Variants in EPB41L2 observed in about 807,000 individuals in gnomAD.
The protein encoded by EPB41L2 is band 4.1-like protein 2.
In EPB41L2, 43 loss-of-function variants were observed where a neutral mutation model predicts 113.0. The observed-to-expected ratio is 0.38, with a 90% CI of 0.30 to 0.49. The LOEUF (loss-of-function observed/expected upper bound fraction) is 0.49. EPB41L2 is among the 20% of genes least tolerant of loss of function. The probability of loss-of-function intolerance (pLI) is 0.95; values close to 1 mark genes in which losing one functional copy is unlikely to be tolerated. For synonymous variants in EPB41L2, 442 were observed against 436.7 expected, an observed-to-expected ratio of 1.01 and a Z score of -0.15; for missense variants, 1,147 against 1,223.4, an observed-to-expected ratio of 0.94 and a Z score of 0.93.
intron 10 of EPB41L2, among the ~76,000 whole-genome samples, chr6:130,892,167 A>ACCTCGGAAACTCCTGC: frequency 6.6e-6 from 1 of 152,246 alleles, no homozygotes; most frequent in Non-Finnish European, 1.5e-5. Context: ...TGCTACAAGA[A>ACCTCGGAAACTCCTGC]TACAAGAAGA....
At chr6:130,912,495 T>C (rs1048592379) in intron 4 of EPB41L2, among the ~76,000 whole-genome samples, 1 of 152,192 alleles carries the variant, frequency 6.6e-6, no homozygotes, top group Non-Finnish European at 1.5e-5. Context: ...GGCTCTGTTC[T>C]AACACTGGTT....
chr6:130,936,503 G>A (rs537407415), intron 3 of EPB41L2, among the ~76,000 whole-genome samples: 4 of 152,202 alleles, frequency 2.6e-5, no homozygotes, highest in Non-Finnish European at 4.4e-5. Flanking sequence ...TAATTTTTCA[G>A]TCTAACCAAG....
intron 1 of EPB41L2, among the ~76,000 whole-genome samples, chr6:131,044,742 T>G (rs1348376765): frequency 6.6e-6 from 1 of 152,162 alleles, no homozygotes; most frequent in African/African-American, 2.4e-5. Context: ...AAAGTTCCTC[T>G]GCTACCAGGC....
chr6:130,990,539 T>C (rs1234381744), intron 1 of EPB41L2, among the ~76,000 whole-genome samples: 1 of 152,118 alleles, frequency 6.6e-6, no homozygotes, highest in Non-Finnish European at 1.5e-5. Context: ...AAAGAATCAA[T>C]TCCAGTCTAT....
intron 3 of EPB41L2, among the ~76,000 whole-genome samples, chr6:130,943,884 G>C (rs947190244): frequency 7.2e-5 from 11 of 152,222 alleles, no homozygotes; most frequent in African/African-American, 2.6e-4. Context: ...AGCTCCAACA[G>C]AAGTGAAAGA....
At chr6:131,045,978 ACT>A in intron 1 of EPB41L2, among the ~76,000 whole-genome samples, 1 of 142,750 alleles carries the variant, frequency 7.0e-6, no homozygotes, top group East Asian at 2.1e-4. Context: ...ATAGTGTGTG[ACT>A]CTGTCACCAA....
At chr6:130,920,539 A>G (rs1802541256) in intron 4 of EPB41L2, among the ~76,000 whole-genome samples, 2 of 152,100 alleles carry the variant, frequency 1.3e-5, no homozygotes, top group Non-Finnish European at 2.9e-5. Context: ...TCTGTCACCT[A>G]GGCGAAAGTG....
At chr6:130,846,807 G>C (rs1009559107) in intron 19 of EPB41L2, among the ~76,000 whole-genome samples, 1 of 152,142 alleles carries the variant, frequency 6.6e-6, no homozygotes, top group Non-Finnish European at 1.5e-5. Flanking sequence ...TAGTAATAAA[G>C]ATACTGAGCT....
At chr6:130,910,507 A>G (rs1173358161) in intron 4 of EPB41L2, among the ~76,000 whole-genome samples, 4 of 152,254 alleles carry the variant, frequency 2.6e-5, no homozygotes, top group Admixed American at 1.3e-4. Context: ...CAATGGCAAC[A>G]AAAGCCAAAA....
At chr6:130,861,393 G>T (rs1310626830) in intron 18 of EPB41L2, among the ~76,000 whole-genome samples, 1 of 152,170 alleles carries the variant, frequency 6.6e-6, no homozygotes, top group African/African-American at 2.4e-5. Context: ...TTTAACGTAG[G>T]CAAGGAACTG....
intron 1 of EPB41L2, among the ~76,000 whole-genome samples, chr6:131,001,504 T>C (rs1436026412): frequency 2.0e-5 from 3 of 152,228 alleles, no homozygotes; most frequent in Non-Finnish European, 4.4e-5. Flanking sequence ...TTTTTAGTTC[T>C]GTTTCTTCCT....
At chr6:131,033,797 A>G (rs1792723895) in intron 1 of EPB41L2, among the ~76,000 whole-genome samples, 1 of 152,220 alleles carries the variant, frequency 6.6e-6, no homozygotes, top group African/African-American at 2.4e-5. Context: ...AAGGAAGAGG[A>G]GTTACTGTTT....
chr6:130,952,297 A>T (rs1052598516), intron 3 of EPB41L2, among the ~76,000 whole-genome samples: 6 of 151,416 alleles, frequency 4.0e-5, no homozygotes, highest in African/African-American at 1.5e-4. Context: ...CAATTCCGCC[A>T]CTAGGTATCT....
chr6:131,037,532 T>C (rs4895906), intron 1 of EPB41L2, among the ~76,000 whole-genome samples: 42,070 of 150,736 alleles, frequency 0.28, 6,981 homozygotes, highest in Non-Finnish European at 0.37. Context: ...GCTATAATTA[T>C]GGTAATTTTT....
chr6:131,047,327 A>G (rs1001795102), intron 1 of EPB41L2, among the ~76,000 whole-genome samples: 1 of 152,110 alleles, frequency 6.6e-6, no homozygotes. Context: ...GGCCCAGACA[A>G]CACAGCAAGA....
chr6:130,859,667 T>C (rs1173518768), intron 18 of EPB41L2, among the ~76,000 whole-genome samples: 1 of 152,028 alleles, frequency 6.6e-6, no homozygotes. Context: ...CTGCATTTCT[T>C]GTTTGCATGA....
intron 1 of EPB41L2, among the ~76,000 whole-genome samples, chr6:130,972,439 G>A (rs958083998): frequency 2.7e-5 from 4 of 148,472 alleles, no homozygotes; most frequent in African/African-American, 9.9e-5. Context: ...GTCACTAAAA[G>A]AAAATGTGTC....
At chr6:130,930,068 T>A (rs902852936) in intron 3 of EPB41L2, among the ~76,000 whole-genome samples, 31 of 151,940 alleles carry the variant, frequency 2.0e-4, no homozygotes, top group African/African-American at 7.5e-4. Flanking sequence ...AGCAGCAGAG[T>A]GAGACAAGAA....
intron 1 of EPB41L2, among the ~76,000 whole-genome samples, chr6:130,966,417 A>G (rs964552563): frequency 6.6e-6 from 1 of 152,250 alleles, no homozygotes; most frequent in Non-Finnish European, 1.5e-5. Flanking sequence ...GTCACTTTAT[A>G]TGGATAGGAT....
Sources: gnomAD v4.1 joint callset for allele counts (sites outside exome capture counted in the v4.1 genomes callset) on GRCh38, gnomAD v4.1.1 for gene constraint, MANE v1.5 for transcripts, NCBI Gene and HGNC (gene_info 2026-07-23, HGNC 2026-07-21) for gene names.